The following SULT4A1 variants were observed in gnomAD, a reference collection of about 807,000 sequenced individuals.
SULT4A1 encodes the protein sulfotransferase family 4A member 1, also known as sulfotransferase 4A1.
A neutral mutation model predicts 35.2 loss-of-function variants in SULT4A1; 11 were observed. The ratio of observed to expected loss-of-function variants is 0.31; its 90% CI spans 0.20 to 0.52. The LOEUF is 0.52. Among genes scored for constraint, SULT4A1 ranks in the 20% least tolerant of loss-of-function variants. The pLI, the probability that SULT4A1 is intolerant of heterozygous loss-of-function variation, is 0.97. For missense variants in SULT4A1, 271 were observed against 383.7 expected (o/e 0.71, Z 2.45); for synonymous variants, 152 against 151.8 (o/e 1.00, Z -0.01).
chr22:43,826,192 A>G (rs2063285831), intron 6 of SULT4A1, 79 bp from the exon 7 acceptor site: 11 of 1,586,582 alleles, frequency 6.9e-6, no homozygotes, highest in Non-Finnish European at 9.4e-6. Context: ...TTGGAAATGG[A>G]TCTGGAACAT....
chr22:43,862,249 G>T lies in SULT4A1; in HGVS notation c.134C>A (p.Pro45His). Residue 45 changes from proline (P) to histidine (H), a missense_variant, in exon 1 of 7, where the codon CCC becomes CAC. Transcript: ENST00000330884. ...GTAGGTGACGATCCACACGTCGCTG[G>T]GCCGCACCGGGAAGTTGGCGATCTC... The part of the protein sequence containing the change: ...MEEIANFPVR[P>H]SDVWIVTYPK... 6.4e-7 allele frequency: 1 copy of T among 1,568,822 alleles called. No homozygotes were observed. Among genetic ancestry groups the T allele is most frequent in the Non-Finnish European group, 8.6e-7 (1 of 1,156,864 alleles).
chr22:43,847,247 T>C (rs1429783222), intron 1 of SULT4A1, among the ~76,000 whole-genome samples: 1 of 151,796 alleles, frequency 6.6e-6, no homozygotes, highest in East Asian at 1.9e-4. Context: ...CCGGCCTTCC[T>C]AGGGCATAAA....
At position 43,862,468 on chromosome 22, in the gene SULT4A1, A is replaced by C. The variant is rs1475131595; in HGVS notation, c.-86T>G. 8.7e-6 allele frequency: 5 copies of C among 577,476 alleles called. No homozygotes were observed. The highest frequency in any genetic ancestry group is 8.4e-6 in the Non-Finnish European group (4 of 473,962). 35.8% of individuals were successfully genotyped at this position (577,476 alleles called of 1,614,324 possible). A position where few individuals can be genotyped will look rare whatever the true frequency, so the allele number is the denominator to read the frequency against. ...CCGCGCCCGCGCCCGCGCCCCGCAC[A>C]CGCTCGCGCCCCACCGGCGCGCGGC... On this transcript the variant is annotated 5_prime_UTR_variant, in exon 1 of 7. Transcript: ENST00000330884.
At chr22:43,826,692 A>AG (rs1451895836) in intron 6 of SULT4A1, 1 of 985,350 alleles carries the variant, frequency 1.0e-6, no homozygotes, top group East Asian at 1.1e-4. Flanking sequence ...ACTGGGCCAA[A>AG]GATGCAGATT....
intron 1 of SULT4A1, among the ~76,000 whole-genome samples, chr22:43,847,508 A>G (rs1463873105): frequency 6.6e-6 from 1 of 151,340 alleles, no homozygotes; most frequent in Admixed American, 6.6e-5. Context: ...CAGCCCCTCC[A>G]CCCACCCTTG....
intron 1 of SULT4A1, among the ~76,000 whole-genome samples, chr22:43,858,578 T>C (rs2049429924): frequency 6.6e-6 from 1 of 152,196 alleles, no homozygotes; most frequent in Non-Finnish European, 1.5e-5. Context: ...CATTCCCTCA[T>C]AGGACGCAGG....
At chr22:43,826,304 GA>G (rs1302089692) in intron 6 of SULT4A1, 191 bp from the exon 7 acceptor site, 1 of 985,276 alleles carries the variant, frequency 1.0e-6, no homozygotes, top group Non-Finnish European at 1.2e-6. Flanking sequence ...GAAACTACTG[GA>G]TGCGGCAGAA....
At chr22:43,833,035 C>T (rs917674530) in intron 5 of SULT4A1, among the ~76,000 whole-genome samples, 1 of 152,128 alleles carries the variant, frequency 6.6e-6, no homozygotes, top group African/African-American at 2.4e-5. Flanking sequence ...CAGGAGCAAC[C>T]TCACAGTCCA....
chr22:43,859,414 G>A (rs1393581081), intron 1 of SULT4A1, among the ~76,000 whole-genome samples: 1 of 152,254 alleles, frequency 6.6e-6, no homozygotes, highest in African/African-American at 2.4e-5. Flanking sequence ...ACTCAGGGCA[G>A]TGGGTGCTCT....
chr22:43,854,925 G>A (rs2049385868), intron 1 of SULT4A1, among the ~76,000 whole-genome samples: 1 of 152,236 alleles, frequency 6.6e-6, no homozygotes, highest in Non-Finnish European at 1.5e-5. Context: ...AGAGGCGACA[G>A]TCATGAGGAC....
chr22:43,853,935 T>G (rs2049372817), intron 1 of SULT4A1, among the ~76,000 whole-genome samples: 2 of 152,082 alleles, frequency 1.3e-5, no homozygotes, highest in Admixed American at 1.3e-4. Flanking sequence ...AGGGAAGGCT[T>G]TTGTAAAAAA....
At chr22:43,853,446 G>A (rs993715088) in intron 1 of SULT4A1, among the ~76,000 whole-genome samples, 8 of 151,994 alleles carry the variant, frequency 5.3e-5, no homozygotes, top group African/African-American at 1.7e-4. Flanking sequence ...TCTGGGCCAC[G>A]TCCACAGCCA....
chr22:43,853,976 G>A (rs1356603380), intron 1 of SULT4A1, among the ~76,000 whole-genome samples: 3 of 89,290 alleles, frequency 3.4e-5, no homozygotes, highest in Admixed American at 9.7e-5. Flanking sequence ...TTAAGGATGA[G>A]GGAGAAACTA....
intron 5 of SULT4A1, among the ~76,000 whole-genome samples, chr22:43,831,236 T>C (rs1196117833): frequency 1.3e-5 from 2 of 150,904 alleles, no homozygotes; most frequent in East Asian, 3.9e-4. Context: ...ACCTTAAAAC[T>C]TCAGTCCATC....
intron 1 of SULT4A1, among the ~76,000 whole-genome samples, chr22:43,861,093 G>A (rs1004686768): frequency 1.5e-4 from 23 of 152,152 alleles, no homozygotes; most frequent in African/African-American, 5.6e-4. Flanking sequence ...CACCCCATGC[G>A]GCGACTGGCA....
At chr22:43,835,048 T>A (rs76157242) in intron 4 of SULT4A1, among the ~76,000 whole-genome samples, 17 of 51,894 alleles carry the variant, frequency 3.3e-4, no homozygotes, top group South Asian at 6.8e-4. Flanking sequence ...CGCGTCCCTG[T>A]GCTTCCCGCG....
At chr22:43,840,858 G>T (rs973526771) in intron 2 of SULT4A1, among the ~76,000 whole-genome samples, 1 of 152,216 alleles carries the variant, frequency 6.6e-6, no homozygotes, top group African/African-American at 2.4e-5. Flanking sequence ...GGAAGGCCAG[G>T]CCCCTCGTGC....
At position 43,825,658 on chromosome 22, in the gene SULT4A1, A is replaced by G. The variant is rs2063281691; in HGVS notation, c.*343T>C. On this transcript the variant is annotated 3_prime_UTR_variant, in exon 7 of 7. Coordinates refer to ENST00000330884, the MANE Select transcript of SULT4A1 (RefSeq NM_014351.4). ...ATTTGGTTTACTGACATTTATGTAG[A>G]TTTCCAGTGAAAAGCTCTATAAAAT... 1 of 166,822 alleles carries G rather than the reference A, an allele frequency of 6.0e-6. No individual in the cohort carries two copies. Among genetic ancestry groups the G allele is most frequent in the Admixed American group, 6.6e-5 (1 of 15,180 alleles). The allele number at this position is 166,822 out of a possible 1,614,324, so 10.3% of individuals were successfully genotyped here.
At chr22:43,839,912 T>G (rs990038267) in intron 3 of SULT4A1, 33 bp downstream of exon 3, 2 of 1,578,060 alleles carry the variant, frequency 1.3e-6, no homozygotes, top group African/African-American at 2.7e-5. Context: ...TGGTGGGGAC[T>G]CATCTCGGGA....
Sources: gnomAD v4.1 joint callset for allele counts (sites outside exome capture counted in the v4.1 genomes callset) on GRCh38, gnomAD v4.1.1 for gene constraint, MANE v1.5 for transcripts, NCBI Gene and HGNC (gene_info 2026-07-23, HGNC 2026-07-21) for gene names.